The following HSDL1 variants were observed in gnomAD, a reference collection of about 807,000 sequenced individuals.
HSDL1 encodes hydroxysteroid dehydrogenase like 1, also known as inactive hydroxysteroid dehydrogenase-like protein 1.
In HSDL1, 29 loss-of-function variants were observed where a neutral mutation model predicts 31.5. The observed-to-expected ratio is 0.92, with a 90% CI of 0.69 to 1.26. The LOEUF (loss-of-function observed/expected upper bound fraction) is 1.26, where lower values mean the gene tolerates loss of function less well. Ranked by LOEUF, HSDL1 falls within the 50% of genes most tolerant of loss-of-function variation. The pLI is 0.00. For missense variants in HSDL1, 503 were observed against 416.6 expected (o/e 1.21, Z -1.81); for synonymous variants, 222 against 155.2 (o/e 1.43, Z -3.20).
rs1368967458 is a variant in HSDL1 at position 84,129,701 on chromosome 16, G to C, written c.741C>G (p.Ile247Met). Reference protein sequence around the residue: ...ASKGIFVQSLIPFYVATSMTA... With the variant: ...ASKGIFVQSLMPFYVATSMTA... ...TCATGCTGGTGGCTACATAGAAAGGGATTAGACTCTGTACAAAGATTCCTT... is the reference window on the plus strand; with the variant it reads ...TCATGCTGGTGGCTACATAGAAAGGCATTAGACTCTGTACAAAGATTCCTT... The change falls in exon 5 of 6, where the codon ATC becomes ATG. Residue 247 changes from isoleucine (I) to methionine (M), a missense_variant. Coordinates refer to ENST00000219439, the MANE Select transcript of HSDL1 (RefSeq NM_031463.5). 6.2e-7 allele frequency: 1 copy of C among 1,614,068 alleles called. No individual in the cohort carries two copies. Among genetic ancestry groups the C allele is most frequent in the East Asian group, 2.2e-5 (1 of 44,902 alleles).
intron 1 of HSDL1, among the ~76,000 whole-genome samples, chr16:84,141,428 C>G (rs1395985098): frequency 1.3e-5 from 2 of 152,190 alleles, no homozygotes; most frequent in African/African-American, 4.8e-5. Flanking sequence ...GCTGCTGGTG[C>G]TAGGCACGTG....
chr16:84,130,203 T>C lies in HSDL1; in HGVS notation c.449A>G (p.Asn150Ser). The change falls in exon 4 of 6, where the codon AAT becomes AGT. Residue 150 changes from asparagine to serine, a missense_variant. Physicochemically the swap from Asn to Ser is conservative, Grantham distance 46. Transcript: ENST00000219439. ...LKDKDVGILV[N>S]NVGVFYPYPQ... ...GTAGGGATAAAACACACCCACGTTA[T>C]TTACCAAGATGCCAACGTCTTTGTC... The C allele has an allele frequency of 6.2e-7, 1 of 1,614,212 alleles. No individual in the cohort carries two copies. The highest frequency in any genetic ancestry group is 8.5e-7 in the Non-Finnish European group (1 of 1,180,044).
intron 2 of HSDL1, among the ~76,000 whole-genome samples, chr16:84,135,137 G>T (rs1257783408): frequency 6.6e-6 from 1 of 152,006 alleles, no homozygotes; most frequent in African/African-American, 2.4e-5. Flanking sequence ...GGAGGCTGAG[G>T]CAGGAGAATG....
chr16:84,125,933 C>T (rs1237736825), intron 5 of HSDL1, among the ~76,000 whole-genome samples: 1 of 152,084 alleles, frequency 6.6e-6, no homozygotes, highest in Non-Finnish European at 1.5e-5. Context: ...GAAACCCCAT[C>T]TCTACTAAAA....
intron 1 of HSDL1, among the ~76,000 whole-genome samples, chr16:84,136,079 G>A (rs2086709898): frequency 6.6e-6 from 1 of 152,216 alleles, no homozygotes; most frequent in Non-Finnish European, 1.5e-5. Context: ...AGCTCCACCT[G>A]CAGCGTTCCC....
Position 84,129,663 on chromosome 16 carries a change from T to A in HSDL1, c.779A>T (p.Asn260Ile). Residue 260 changes from asparagine to isoleucine, a missense_variant, in exon 5 of 6, where the codon AAC becomes ATC. Coordinates refer to ENST00000219439, the MANE Select transcript of HSDL1 (RefSeq NM_031463.5). ...CAACCACGAGCACCTGTGCAGAAAG[T>A]TGCTGGGTGCTGTCATGCTGGTGGC... ...YVATSMTAPS[N>I]FLHRCSWLVP... 1 of 1,614,224 alleles carries A rather than the reference T, an allele frequency of 6.2e-7. No homozygotes were observed. Among genetic ancestry groups the A allele is most frequent in the East Asian group, 2.2e-5 (1 of 44,894 alleles).
chr16:84,133,622 T>C (rs1036198966), intron 2 of HSDL1, among the ~76,000 whole-genome samples: 6 of 152,250 alleles, frequency 3.9e-5, no homozygotes, highest in African/African-American at 1.4e-4. Flanking sequence ...CCCAGCTACT[T>C]GGGAGGCTGA....
chr16:84,141,040 G>T (rs1033618176), intron 1 of HSDL1, among the ~76,000 whole-genome samples: 4 of 150,532 alleles, frequency 2.7e-5, no homozygotes, highest in African/African-American at 1.0e-4. Flanking sequence ...GCAGTGAGCG[G>T]AGATCGCGCC....
At chr16:84,134,739 G>C (rs1452560686) in intron 2 of HSDL1, among the ~76,000 whole-genome samples, 2 of 152,034 alleles carry the variant, frequency 1.3e-5, no homozygotes, top group Non-Finnish European at 2.9e-5. Flanking sequence ...TCAAACACAA[G>C]GCCATGAGGA....
At chr16:84,138,534 T>TA (rs1156749109) in intron 1 of HSDL1, among the ~76,000 whole-genome samples, 23 of 152,206 alleles carry the variant, frequency 1.5e-4, no homozygotes, top group Admixed American at 6.5e-5. Context: ...GTTGTGGTGA[T>TA]CATTTCACAA....
At chr16:84,132,124 G>A (rs922964250) in intron 2 of HSDL1, among the ~76,000 whole-genome samples, 2 of 152,238 alleles carry the variant, frequency 1.3e-5, no homozygotes, top group African/African-American at 4.8e-5. Flanking sequence ...TGGCTACAGA[G>A]ATAAACACAA....
chr16:84,136,245 C>A (rs2151189971), intron 1 of HSDL1, among the ~76,000 whole-genome samples: 1 of 152,352 alleles, frequency 6.6e-6, no homozygotes, highest in East Asian at 1.9e-4. Context: ...TGGGGGCAGC[C>A]CCCCTAGGCT....
At chr16:84,129,806 T>C (rs778176850) in intron 4 of HSDL1, 31 bp from the exon 5 acceptor site, 12 of 1,549,806 alleles carry the variant, frequency 7.7e-6, no homozygotes, top group Non-Finnish European at 1.1e-5. Flanking sequence ...AAAAGACTTT[T>C]AATTCTGGGT....
intron 2 of HSDL1, among the ~76,000 whole-genome samples, chr16:84,132,771 A>G (rs905982635): frequency 2.0e-5 from 3 of 152,194 alleles, no homozygotes; most frequent in Admixed American, 1.3e-4. Flanking sequence ...AGTGGACTTC[A>G]TATCAGGCTA....
In HSDL1 at chr16:84,131,084, G is replaced by T; in HGVS notation, c.220+18C>A. 2.5e-6 allele frequency: 4 copies of T among 1,571,272 alleles called. No individual in the cohort carries two copies. The highest frequency in any genetic ancestry group is 2.3e-5 in the South Asian group (2 of 88,484). ...CCGACTTCACAGAAAAGATTATTTTGATTATAAAGTAGGTTACCGCTGACA... is the reference window on the plus strand; with the variant it reads ...CCGACTTCACAGAAAAGATTATTTTTATTATAAAGTAGGTTACCGCTGACA... On this transcript the variant is annotated intron_variant, in intron 3 of 5. Transcript: ENST00000219439.
chr16:84,125,353 C>A (rs1357439599), intron 5 of HSDL1: 1 of 147,746 alleles, frequency 6.8e-6, no homozygotes, highest in Non-Finnish European at 1.5e-5. Context: ...CAATCACAAA[C>A]ACCCACCAAT....
intron 5 of HSDL1, among the ~76,000 whole-genome samples, chr16:84,128,802 G>C (rs913510270): frequency 1.3e-5 from 2 of 151,868 alleles, no homozygotes; most frequent in African/African-American, 4.8e-5. Context: ...CCGCCTCCAG[G>C]GTTCAAGCGA....
rs527256456 is a variant in HSDL1, at chr16:84,145,152, G to A, written c.-141C>T. 1.5e-4 allele frequency: 33 copies of A among 221,284 alleles called. No homozygotes were observed. The highest frequency in any genetic ancestry group is 2.7e-4 in the Non-Finnish European group (31 of 115,444). 13.7% of individuals were successfully genotyped at this position (221,284 alleles called of 1,614,324 possible). ...GCCGCCGCCCCCGTCTCGGCCGCCG[G>A]AGCTGCTGCCGCGCCGCGCCCTCAC... On this transcript the variant is annotated 5_prime_UTR_variant, in exon 1 of 6. Transcript: ENST00000219439.
At position 84,122,176 on chromosome 16, in the gene HSDL1, G is replaced by A. The variant is rs1031741196; in HGVS notation, c.*2454C>T. ...GACGTGTCAGCTTTTAATCAGTTAT[G>A]ACCACTGTTGTTCATGTTAATTTCT... On this transcript the variant is annotated 3_prime_UTR_variant, in exon 6 of 6. Coordinates refer to ENST00000219439, the MANE Select transcript of HSDL1 (RefSeq NM_031463.5). 1 of 152,450 alleles carries A rather than the reference G, an allele frequency of 6.6e-6. No individual in the cohort carries two copies. Among genetic ancestry groups the A allele is most frequent in the Non-Finnish European group, 1.5e-5 (1 of 68,012 alleles). 9.4% of individuals were successfully genotyped at this position (152,450 alleles called of 1,614,324 possible).
Sources: allele counts gnomAD v4.1 joint callset (sites outside exome capture counted in the v4.1 genomes callset), GRCh38; gene constraint gnomAD v4.1.1; transcripts MANE v1.5; gene names NCBI Gene and HGNC (gene_info 2026-07-23, HGNC 2026-07-21).